Variants in INPP4B observed in about 807,000 individuals in gnomAD.
INPP4B encodes inositol polyphosphate 4-phosphatase type II.
Under a neutral mutation model 122.5 loss-of-function variants are expected in INPP4B, and 55 were observed. That is an observed-to-expected ratio of 0.45 (90% CI 0.36 to 0.56). The LOEUF (loss-of-function observed/expected upper bound fraction) is 0.56. Ranked by LOEUF, INPP4B falls within the 20% of genes least tolerant of loss-of-function variation. The pLI is 0.00. For missense variants in INPP4B, 1,000 were observed against 1,097.7 expected, an observed-to-expected ratio of 0.91 and a Z score of 1.26; for synonymous variants, 403 against 388.7, an observed-to-expected ratio of 1.04 and a Z score of -0.43.
At chr4:142,469,612 C>A (rs1295030671) in intron 2 of INPP4B, among the ~76,000 whole-genome samples, 1 of 152,020 alleles carries the variant, frequency 6.6e-6, no homozygotes, top group Non-Finnish European at 1.5e-5. Flanking sequence ...TAACATGTAA[C>A]ACAGTGAAGA....
At chr4:142,726,008 T>G in intron 1 of INPP4B, 107 bp from the exon 2 acceptor site, 1 of 389,854 alleles carries the variant, frequency 2.6e-6, no homozygotes, top group East Asian at 3.6e-5. Context: ...AAGAAAATCA[T>G]TTAACAAAAT....
At chr4:142,806,783 GAAGGAAA>G (rs1561091191) in intron 1 of INPP4B, among the ~76,000 whole-genome samples, 21 of 65,972 alleles carry the variant, frequency 3.2e-4, no homozygotes, top group African/African-American at 1.2e-3. Context: ...AAGAAAGAAA[GAAGGAAA>G]GAAAGAAAGA....
intron 9 of INPP4B, among the ~76,000 whole-genome samples, chr4:142,300,704 ATAAGT>A (rs1287358750): frequency 2.6e-5 from 4 of 152,166 alleles, no homozygotes; most frequent in African/African-American, 9.6e-5. Flanking sequence ...AAAAAACAGT[ATAAGT>A]TAAATGTTTT....
chr4:142,411,628 A>C (rs550997273), intron 5 of INPP4B, among the ~76,000 whole-genome samples: 2 of 152,190 alleles, frequency 1.3e-5, no homozygotes, highest in African/African-American at 4.8e-5. Flanking sequence ...ACAGTGGCTA[A>C]TGCCTGTAAT....
intron 11 of INPP4B, among the ~76,000 whole-genome samples, chr4:142,251,737 T>C (rs1732178378): frequency 6.6e-6 from 1 of 152,214 alleles, no homozygotes; most frequent in Non-Finnish European, 1.5e-5. Flanking sequence ...TTTATCTGTG[T>C]GTATAAACAG....
Position 142,704,436 on chromosome 4 carries a change from C to T in INPP4B, c.-191+21403G>A, listed in dbSNP as rs549851154. Among the ~76,000 whole-genome samples, 4 of 152,216 alleles carry T rather than the reference C, an allele frequency of 2.6e-5. No individual in the cohort carries two copies. The South Asian group carries it at 8.3e-4, about 32-fold the overall frequency. ...CTTGAGACATCAACTTTATTTAAAT[C>T]CTGTCTAAACAAGACATGTGTGGCC... On this transcript the variant is annotated intron_variant, in intron 2 of 25. Coordinates refer to ENST00000262992, the MANE Select transcript of INPP4B (RefSeq NM_001101669.3).
At chr4:142,334,430 T>G (rs1030387998) in intron 7 of INPP4B, among the ~76,000 whole-genome samples, 1 of 152,184 alleles carries the variant, frequency 6.6e-6, no homozygotes, top group African/African-American at 2.4e-5. Flanking sequence ...TGAAGAGATC[T>G]CCTTGAGATA....
At chr4:142,179,351 T>C (rs1829736904) in intron 15 of INPP4B, among the ~76,000 whole-genome samples, 3 of 151,074 alleles carry the variant, frequency 2.0e-5, no homozygotes, top group Admixed American at 6.6e-5. Context: ...CATGCACCTG[T>C]AGTCCCAGCT....
intron 2 of INPP4B, among the ~76,000 whole-genome samples, chr4:142,634,306 A>G (rs568052228): frequency 1.3e-5 from 2 of 152,310 alleles, no homozygotes; most frequent in East Asian, 3.9e-4. Flanking sequence ...CACAGGAAAA[A>G]GAGAAAATGC....
intron 17 of INPP4B, among the ~76,000 whole-genome samples, chr4:142,159,858 C>A (rs1024956982): frequency 6.6e-6 from 1 of 151,826 alleles, no homozygotes; most frequent in Non-Finnish European, 1.5e-5. Flanking sequence ...AACTTTAGAG[C>A]ACCTAGAGCA....
At chr4:142,371,693 C>T (rs754938775) in intron 7 of INPP4B, among the ~76,000 whole-genome samples, 25 of 151,842 alleles carry the variant, frequency 1.6e-4, no homozygotes, top group Non-Finnish European at 2.9e-5. Context: ...CTCAACATCC[C>T]TAATTATTAG....
chr4:142,271,332 G>A (rs962746925), intron 9 of INPP4B, among the ~76,000 whole-genome samples: 11 of 152,160 alleles, frequency 7.2e-5, no homozygotes, highest in South Asian at 2.1e-4. Flanking sequence ...CCTCCTAAAC[G>A]TTCTCAGAGG....
At chr4:142,503,604 T>A (rs544678298) in intron 2 of INPP4B, among the ~76,000 whole-genome samples, 1 of 152,188 alleles carries the variant, frequency 6.6e-6, no homozygotes, top group South Asian at 2.1e-4. Context: ...ATACATCCAA[T>A]GGAATTGCAA....
At chr4:142,518,584 G>T (rs1825701630) in intron 2 of INPP4B, 1 of 151,988 alleles carries the variant, frequency 6.6e-6, no homozygotes, top group South Asian at 2.1e-4. Flanking sequence ...CCCCAACACT[G>T]ATCAGAGCTA....
chr4:142,509,577 A>G (rs1457368581), intron 2 of INPP4B, among the ~76,000 whole-genome samples: 1 of 152,184 alleles, frequency 6.6e-6, no homozygotes, highest in African/African-American at 2.4e-5. Context: ...TTAGGGCTGC[A>G]TAGTACTCCA....
At chr4:142,554,639 CCTTAAACTAGTGT>C (rs1728758439) in intron 2 of INPP4B, among the ~76,000 whole-genome samples, 2 of 152,244 alleles carry the variant, frequency 1.3e-5, no homozygotes, top group South Asian at 4.1e-4. Context: ...CCACTCTGAA[CCTTAAACTAGTGT>C]CTTTGTGTTT....
chr4:142,344,341 TAA>T (rs1779637489), intron 7 of INPP4B, among the ~76,000 whole-genome samples: 1 of 152,028 alleles, frequency 6.6e-6, no homozygotes, highest in Non-Finnish European at 1.5e-5. Flanking sequence ...TATTTTAATG[TAA>T]AGTGTTTTTA....
intron 2 of INPP4B, among the ~76,000 whole-genome samples, chr4:142,641,400 C>T (rs1229358302): frequency 6.6e-6 from 1 of 151,774 alleles, no homozygotes; most frequent in Non-Finnish European, 1.5e-5. Context: ...GGTATACCAC[C>T]TAATGCTATC....
chr4:142,127,171 C>T (rs1269992038), intron 18 of INPP4B, among the ~76,000 whole-genome samples: 1 of 152,048 alleles, frequency 6.6e-6, no homozygotes, highest in Non-Finnish European at 1.5e-5. Context: ...TGTATAGTTC[C>T]CAAACAGCAT....
Sources: gnomAD v4.1 joint callset for allele counts (sites outside exome capture counted in the v4.1 genomes callset) on GRCh38, gnomAD v4.1.1 for gene constraint, MANE v1.5 for transcripts, NCBI Gene and HGNC (gene_info 2026-07-23, HGNC 2026-07-21) for gene names.